TTN: variants seen among roughly 807,000 people sequenced by gnomAD.
The protein encoded by TTN is connectin.
TTN carries 1,525 observed loss-of-function variants against 3,223.0 expected under a neutral mutation model. That is an observed-to-expected ratio of 0.47 (90% CI 0.45 to 0.49). The LOEUF (loss-of-function observed/expected upper bound fraction) is 0.49. Ranked by LOEUF, TTN falls within the 20% of genes least tolerant of loss-of-function variation. The probability of loss-of-function intolerance (pLI) is 0.00; values close to 1 mark genes in which losing one functional copy is unlikely to be tolerated. For synonymous variants in TTN, 14,094 were observed against 15,161.0 expected (o/e 0.93, Z 5.17); for missense variants, 40,786 against 43,424.0 (o/e 0.94, Z 5.40).
At chr2:178,705,845 T>C (rs1344455242) in intron 102 of TTN, among the ~76,000 whole-genome samples, 1 of 152,192 alleles carries the variant, frequency 6.6e-6, no homozygotes, top group Non-Finnish European at 1.5e-5. Context: ...TAGAGAACCA[T>C]TCATAACATA....
intron 93 of TTN, 42 bp from the exon 94 acceptor site, chr2:178,713,017 G>A (rs1310294623): frequency 6.2e-7 from 1 of 1,604,642 alleles, no homozygotes; most frequent in Admixed American, 1.7e-5. Flanking sequence ...TAGTATTTGT[G>A]AATTGTTATG....
In TTN at chr2:178,570,522, T is replaced by C; in HGVS notation, c.75610A>G (p.Arg25204Gly). ...SVTVNVKVLDRPGPPEGPVVI... is the reference protein window; with the variant it reads ...SVTVNVKVLDGPGPPEGPVVI... ...ACAGGTCCTTCAGGTGGCCCTGGTC[T>C]GTCAAGAACCTTGACATTCACAGTA... The change falls in exon 326 of 363, where the codon AGA (arginine) becomes GGA (glycine). Residue 25204 changes from arginine (R) to glycine (G), a missense_variant. Coordinates refer to ENST00000589042, the MANE Select transcript of TTN (RefSeq NM_001267550.2). 6.2e-7 allele frequency: 1 copy of C among 1,613,326 alleles called. No homozygotes were observed. Among genetic ancestry groups the C allele is most frequent in the Non-Finnish European group, 8.5e-7 (1 of 1,179,568 alleles).
In TTN at chr2:178,694,614, C is replaced by A; in HGVS notation, c.31411G>T (p.Val10471Phe). ...AGATGTATACCTTTCACTTCAATAA[C>A]TTCTTCCTGTACTGGAGTCCGGGAA... Reference protein sequence around the residue: ...KPSRTPVQEEVIEVKVPAVHT... With the variant: ...KPSRTPVQEEFIEVKVPAVHT... The change falls in exon 117 of 363, where the codon GTT becomes TTT. Residue 10471 changes from valine to phenylalanine, a missense_variant. Physicochemically the swap from Val to Phe is conservative, Grantham distance 50. Transcript: ENST00000589042. 6.4e-7 allele frequency: 1 copy of A among 1,557,920 alleles called. No homozygotes were observed. The highest frequency in any genetic ancestry group is 8.7e-7 in the Non-Finnish European group (1 of 1,149,562).
rs2062807792 is a variant in TTN at position 178,650,801 on chromosome 2, T to A, written c.39659A>T (p.Glu13220Val). ...TTCTGGAACAGGAACAGCTGGTTTCTCTTCCAAGACAGGTTTCTTTGGCAC... is the reference window on the plus strand; with the variant it reads ...TTCTGGAACAGGAACAGCTGGTTTCACTTCCAAGACAGGTTTCTTTGGCAC... ...PEVPKKPVLE[E>V]KPAVPVPERA... Residue 13220 changes from glutamate (E) to valine (V), a missense_variant, in exon 209 of 363, where the codon GAG (glutamate) becomes GTG (valine). Coordinates refer to ENST00000589042, the MANE Select transcript of TTN (RefSeq NM_001267550.2). 1 of 1,607,878 alleles carries A rather than the reference T, an allele frequency of 6.2e-7. No individual in the cohort carries two copies. The highest frequency in any genetic ancestry group is 1.1e-5 in the South Asian group (1 of 89,606).
Position 178,775,047 on chromosome 2 carries a change from T to C in TTN, c.6664A>G (p.Met2222Val), listed in dbSNP as rs1212976670. Reference protein sequence around the residue: ...MEVHEGDKYRMHSDRKVHFLS... With the variant: ...MEVHEGDKYRVHSDRKVHFLS... ...AAGTGAACCTTTCTGTCAGAGTGCA[T>C]CCTGTATTTATCTCCCTCATGAACC... Residue 2222 changes from methionine to valine, a missense_variant, in exon 29 of 363, where the codon ATG becomes GTG. Physicochemically the swap from Met to Val is conservative, Grantham distance 21. Transcript: ENST00000589042. 6.2e-7 allele frequency: 1 copy of C among 1,614,056 alleles called. No homozygotes were observed. Among genetic ancestry groups the C allele is most frequent in the Admixed American group, 1.7e-5 (1 of 60,012 alleles).
At position 178,595,796 on chromosome 2, in the gene TTN, G is replaced by A. The variant is rs768333256; in HGVS notation, c.57558C>T (p.Pro19186=). 1.0e-5 allele frequency: 16 copies of A among 1,601,474 alleles called. No individual in the cohort carries two copies. The highest frequency in any genetic ancestry group is 3.4e-5 in the South Asian group (3 of 88,406). The change falls in exon 295 of 363, where the codon CCC becomes CCT. Residue 19186 remains proline, a synonymous_variant. Transcript: ENST00000589042. ...TGTGAGCTAGGAATGGTGTTCCAAC[G>A]GGACCTGGAACATCTGGAAATAAGA... ...IIVDVLDVPG[P]VGTPFLAHNL... is the part of the protein sequence containing the mutation.
intron 313 of TTN, 94 bp from the exon 314 acceptor site, chr2:178,582,686 A>G: frequency 7.2e-6 from 9 of 1,251,678 alleles, no homozygotes; most frequent in South Asian, 1.9e-5. Flanking sequence ...TCTATTGTCA[A>G]TTTCCTATAT....
chr2:178,689,347 G>A lies in TTN; in HGVS notation c.31954C>T (p.Pro10652Ser). The A allele has an allele frequency of 1.2e-6, 2 of 1,613,744 alleles. No homozygotes were observed. The highest frequency in any genetic ancestry group is 1.7e-6 in the Non-Finnish European group (2 of 1,179,804). ...CGAGGAACAGGTTTCCTTTCTTCAGGAACTTTCTTCTTTGGTATTTCTGGC... is the reference window on the plus strand; with the variant it reads ...CGAGGAACAGGTTTCCTTTCTTCAGAAACTTTCTTCTTTGGTATTTCTGGC... ...AVPEIPKKKV[P>S]EERKPVPRKE... The change falls in exon 124 of 363, where the codon CCT (proline) becomes TCT (serine). Residue 10652 changes from proline to serine, a missense_variant. Transcript: ENST00000589042.
chr2:178,683,984 T>A lies in TTN; in HGVS notation c.32806+15A>T, dbSNP rs778694891. The stretch of plus-strand genomic sequence containing the variant: ...CTTATTTTGATTTTTTTTTTTTTTT[T>A]AAGAGTCAGTATACCTTTAGCTGGT... On this transcript the variant is annotated intron_variant, in intron 133 of 362. Transcript: ENST00000589042. 13 of 1,511,810 alleles carry A rather than the reference T, an allele frequency of 8.6e-6. No homozygotes were observed. The highest frequency in any genetic ancestry group is 1.8e-4 in the Middle Eastern group (1 of 5,628). The allele number at this position is 1,511,810 out of a possible 1,614,324, so 93.6% of individuals were successfully genotyped here. A position where few individuals can be genotyped will look rare whatever the true frequency, so the allele number is the denominator to read the frequency against.
chr2:178,780,964 T>C (rs1333241105), intron 21 of TTN, among the ~76,000 whole-genome samples, 157 bp downstream of exon 21: 1 of 152,218 alleles, frequency 6.6e-6, no homozygotes, highest in Admixed American at 6.5e-5. Context: ...TTTGAGGCCA[T>C]GTGGTCTAAA....
Position 178,528,624 on chromosome 2 carries a change from T to C in TTN, c.107127A>G (p.Arg35709=). Residue 35709 remains arginine, a synonymous_variant, in exon 360 of 363, where the codon AGA becomes AGG. Transcript: ENST00000589042. ...SDAPAFISQP[R]SQNINEGQNV... ...TTTGTCCTTCATTAATATTTTGAGA[T>C]CTAGGCTGTGAGATGAAGGCTGGAG... 6.2e-7 allele frequency: 1 copy of C among 1,612,742 alleles called. No homozygotes were observed.
intron 6 of TTN, among the ~76,000 whole-genome samples, chr2:178,796,653 GC>G (rs1561482297): frequency 6.6e-6 from 1 of 152,138 alleles, no homozygotes. Context: ...CTGAAGAAAA[GC>G]AAAGAGACAT....
In TTN at chr2:178,795,155, C is replaced by A. The variant is rs1229850188; in HGVS notation, c.1012G>T (p.Gly338Cys). 3 of 1,614,176 alleles carry A rather than the reference C, an allele frequency of 1.9e-6. No individual in the cohort carries two copies. The highest frequency in any genetic ancestry group is 1.6e-4 in the Middle Eastern group (1 of 6,062). ...TTCCAAGGGGGAGGCACTTCAGGAC[C>A]TGTGGCCACGGTGGATGCCTGAGTC... ...RKTQASTVATGPEVPPPWKQE... is the reference protein window; with the variant it reads ...RKTQASTVATCPEVPPPWKQE... The change falls in exon 7 of 363, where the codon GGT becomes TGT. Residue 338 changes from glycine (G) to cysteine (C), a missense_variant. Transcript: ENST00000589042.
At chr2:178,698,776 T>C (rs1212252560) in intron 112 of TTN, 67 bp downstream of exon 112, 12 of 1,425,094 alleles carry the variant, frequency 8.4e-6, no homozygotes, top group Non-Finnish European at 1.1e-5. Context: ...CACCCTCCAC[T>C]GTTTAGAATT....
In TTN at chr2:178,526,981, A is replaced by G; in HGVS notation, c.*31T>C. The G allele has an allele frequency of 6.6e-7, 1 of 1,524,716 alleles. No homozygotes were observed. The highest frequency in any genetic ancestry group is 8.8e-7 in the Non-Finnish European group (1 of 1,131,820). 94.4% of individuals were successfully genotyped at this position (1,524,716 alleles called of 1,614,324 possible). A position where few individuals can be genotyped will look rare whatever the true frequency, so the allele number is the denominator to read the frequency against. ...GTGAAACGTTTGCGAAAAGTTAAGA[A>G]TGAGTGTAGAGTATAAGGGCACAGG... On this transcript the variant is annotated 3_prime_UTR_variant, in exon 363 of 363. Transcript: ENST00000589042.
At position 178,635,973 on chromosome 2, in the gene TTN, T is replaced by C; in HGVS notation, c.41598A>G (p.Val13866=). ...NANNLECSSC[V]KVVEVIRDWL... is the part of the protein sequence containing the mutation. ...CAGGAAAGTACTAACCTACTACTTT[T>C]ACGCAAGATGAACACTCCAGGTTGT... The change falls in exon 226 of 363, where the codon GTA becomes GTG. Residue 13866 remains valine, a synonymous_variant. Transcript: ENST00000589042. 6.3e-7 allele frequency: 1 copy of C among 1,596,302 alleles called. No individual in the cohort carries two copies. Among genetic ancestry groups the C allele is most frequent in the Non-Finnish European group, 8.6e-7 (1 of 1,169,340 alleles).
At chr2:178,751,388 A>C (rs1366710467) in intron 47 of TTN, 1 of 1,608,074 alleles carries the variant, frequency 6.2e-7, no homozygotes, top group Admixed American at 1.7e-5. Context: ...TTCATCATAC[A>C]TGTAATCTGT....
intron 217 of TTN, 114 bp from the exon 218 acceptor site, chr2:178,644,730 T>G (rs2061667507): frequency 3.9e-6 from 3 of 776,450 alleles, no homozygotes; most frequent in South Asian, 2.1e-5. Context: ...AAAGCATTAA[T>G]AACAGCCAAG....
rs1178386765 is a variant in TTN at position 178,597,642 on chromosome 2, G to A, written c.57440C>T (p.Ser19147Phe). The A allele has an allele frequency of 6.2e-7, 1 of 1,613,268 alleles. No homozygotes were observed. The highest frequency in any genetic ancestry group is 8.5e-7 in the Non-Finnish European group (1 of 1,179,536). ...ATIETTAISS[S>F]MVIKNCQRSH... ...CCTCTGGCAGTTCTTGATGACCATG[G>A]ATGAGCTAATGGCTGTGGTCTCAAT... Residue 19147 changes from serine (S) to phenylalanine (F), a missense_variant, in exon 294 of 363, where the codon TCC (serine) becomes TTC (phenylalanine). Ser to Phe is a radical substitution (Grantham distance 155). Coordinates refer to ENST00000589042, the MANE Select transcript of TTN (RefSeq NM_001267550.2).
Sources: allele counts gnomAD v4.1 joint callset (sites outside exome capture counted in the v4.1 genomes callset), GRCh38; gene constraint gnomAD v4.1.1; transcripts MANE v1.5; gene names NCBI Gene and HGNC (gene_info 2026-07-23, HGNC 2026-07-21).